The following LRMDA variants were observed in gnomAD, a reference collection of about 807,000 sequenced individuals.
LRMDA encodes the protein leucine-rich melanocyte differentiation-associated protein.
LRMDA carries 18 observed loss-of-function variants against 29.8 expected under a neutral mutation model. The observed-to-expected ratio is 0.60, with a 90% confidence interval of 0.42 to 0.90. The LOEUF (loss-of-function observed/expected upper bound fraction) is 0.90, where lower values mean the gene tolerates loss of function less well. Among genes scored for constraint, LRMDA ranks in the 40% least tolerant of loss-of-function variants. The pLI, the probability that LRMDA is intolerant of heterozygous loss-of-function variation, is 0.00. For synonymous variants in LRMDA, 125 were observed against 109.4 expected, an observed-to-expected ratio of 1.14 and a Z score of -0.89; for missense variants, 273 against 273.9, an observed-to-expected ratio of 1.00 and a Z score of 0.02.
intron 2 of LRMDA, among the ~76,000 whole-genome samples, chr10:75,563,292 A>G (rs190658606): frequency 0.015 from 2,256 of 151,890 alleles, 73 homozygotes; most frequent in African/African-American, 0.052. Context: ...ATCTTCCATC[A>G]CTGATACCCT....
At chr10:76,506,232 A>T (rs557810503) in intron 6 of LRMDA, among the ~76,000 whole-genome samples, 1 of 151,892 alleles carries the variant, frequency 6.6e-6, no homozygotes, top group African/African-American at 2.4e-5. Flanking sequence ...CTTGTCCAGA[A>T]CCCCTGGTGA....
intron 4 of LRMDA, among the ~76,000 whole-genome samples, chr10:76,048,890 A>G (rs1848485370): frequency 6.6e-6 from 1 of 152,136 alleles, no homozygotes; most frequent in Non-Finnish European, 1.5e-5. Flanking sequence ...TCAATGCCTA[A>G]AGTAGTGCTG....
intron 2 of LRMDA, among the ~76,000 whole-genome samples, chr10:75,704,773 C>T (rs1428231305): frequency 1.3e-5 from 2 of 152,214 alleles, no homozygotes; most frequent in Non-Finnish European, 2.9e-5. Flanking sequence ...AGGTCTCAGC[C>T]CTGCCGTGAA....
intron 5 of LRMDA, among the ~76,000 whole-genome samples, chr10:76,205,678 G>A (rs113254148): frequency 0.019 from 2,848 of 152,190 alleles, 40 homozygotes; most frequent in South Asian, 0.071. Flanking sequence ...GTGGGGGTGC[G>A]GGGTGAAGGG....
intron 2 of LRMDA, among the ~76,000 whole-genome samples, chr10:75,906,510 CT>C (rs1845761484): frequency 6.6e-6 from 1 of 152,172 alleles, no homozygotes; most frequent in Non-Finnish European, 1.5e-5. Flanking sequence ...TAGTCTCATG[CT>C]GCTTACCATA....
At chr10:75,592,999 C>A (rs1589196361) in intron 2 of LRMDA, among the ~76,000 whole-genome samples, 1 of 152,140 alleles carries the variant, frequency 6.6e-6, no homozygotes, top group East Asian at 1.9e-4. Context: ...TCTCCACCCC[C>A]TCCTCCTCTC....
chr10:75,565,871 T>G (rs796369346), intron 2 of LRMDA, among the ~76,000 whole-genome samples: 4 of 152,274 alleles, frequency 2.6e-5, no homozygotes, highest in African/African-American at 9.6e-5. Flanking sequence ...GACCAGGAGT[T>G]TAAGACCAGC....
At chr10:76,275,574 T>C (rs1379053767) in intron 5 of LRMDA, among the ~76,000 whole-genome samples, 1 of 152,176 alleles carries the variant, frequency 6.6e-6, no homozygotes, top group Non-Finnish European at 1.5e-5. Context: ...TGTCAGTAAT[T>C]TGATTTTTAG....
At chr10:76,417,511 A>G (rs1842029269) in intron 6 of LRMDA, among the ~76,000 whole-genome samples, 1 of 151,638 alleles carries the variant, frequency 6.6e-6, no homozygotes, top group Non-Finnish European at 1.5e-5. Context: ...TGCCCCCCAC[A>G]AACTCTCTCA....
chr10:75,757,586 G>C (rs73290550), intron 2 of LRMDA, among the ~76,000 whole-genome samples: 1 of 151,918 alleles, frequency 6.6e-6, no homozygotes, highest in East Asian at 1.9e-4. Flanking sequence ...CATGTGTCTT[G>C]ACCACTTTTC....
chr10:76,292,037 C>T (rs890602248), intron 5 of LRMDA, among the ~76,000 whole-genome samples: 1 of 152,032 alleles, frequency 6.6e-6, no homozygotes, highest in Admixed American at 6.6e-5. Flanking sequence ...CCATACAAGT[C>T]AATGTATAAT....
intron 2 of LRMDA, among the ~76,000 whole-genome samples, chr10:75,948,256 G>A (rs1428603165): frequency 6.6e-6 from 1 of 152,176 alleles, no homozygotes; most frequent in Admixed American, 6.5e-5. Flanking sequence ...TCCACCCATA[G>A]ATTATCAGAG....
intron 2 of LRMDA, among the ~76,000 whole-genome samples, chr10:75,726,911 TGGA>T (rs962632641): frequency 6.6e-6 from 1 of 152,226 alleles, no homozygotes; most frequent in Non-Finnish European, 1.5e-5. Context: ...CTTTCAGATG[TGGA>T]GGAGATTTTC....
At chr10:76,102,272 A>T (rs1487740942) in intron 5 of LRMDA, among the ~76,000 whole-genome samples, 2 of 151,966 alleles carry the variant, frequency 1.3e-5, no homozygotes, top group African/African-American at 4.8e-5. Flanking sequence ...TTTATTTTAG[A>T]TGTGCAGGTT....
chr10:76,492,310 G>A (rs1842841362), intron 6 of LRMDA, among the ~76,000 whole-genome samples: 1 of 152,024 alleles, frequency 6.6e-6, no homozygotes, highest in African/African-American at 2.4e-5. Flanking sequence ...AGTCTTCATA[G>A]TCTGGGCTTG....
At chr10:76,009,915 G>T (rs973326193) in intron 2 of LRMDA, among the ~76,000 whole-genome samples, 1 of 149,420 alleles carries the variant, frequency 6.7e-6, no homozygotes, top group Non-Finnish European at 1.5e-5. Flanking sequence ...TCTTTTCCGA[G>T]AGCTAAATGT....
At chr10:76,135,538 G>A (rs1202396793) in intron 5 of LRMDA, among the ~76,000 whole-genome samples, 1 of 152,140 alleles carries the variant, frequency 6.6e-6, no homozygotes, top group Non-Finnish European at 1.5e-5. Context: ...AACCAACTAG[G>A]TGGTTTAAAC....
intron 5 of LRMDA, among the ~76,000 whole-genome samples, chr10:76,074,326 G>T (rs1435032126): frequency 1.3e-5 from 2 of 152,106 alleles, no homozygotes; most frequent in Admixed American, 1.3e-4. Flanking sequence ...TTGTTTTTCG[G>T]GGGGTGGGAG....
intron 5 of LRMDA, among the ~76,000 whole-genome samples, chr10:76,313,991 T>C (rs982385409): frequency 2.6e-5 from 4 of 152,190 alleles, no homozygotes; most frequent in African/African-American, 4.8e-5. Flanking sequence ...GATAATAGTT[T>C]TTGAATATTG....
Sources: gnomAD v4.1 joint callset for allele counts (sites outside exome capture counted in the v4.1 genomes callset) on GRCh38, gnomAD v4.1.1 for gene constraint, MANE v1.5 for transcripts, NCBI Gene and HGNC (gene_info 2026-07-23, HGNC 2026-07-21) for gene names.